GPC6: variants seen among roughly 807,000 people sequenced by gnomAD.
GPC6 encodes glypican 6.
Under a neutral mutation model 55.2 loss-of-function variants are expected in GPC6, and 14 were observed. That is an observed-to-expected ratio of 0.25 (90% confidence interval 0.17 to 0.40). The LOEUF is 0.40. Ranked by LOEUF, GPC6 falls within the 10% of genes least tolerant of loss-of-function variation. The pLI is 1.00. For synonymous variants in GPC6, 278 were observed against 259.6 expected (o/e 1.07, Z -0.68); for missense variants, 641 against 708.5 (o/e 0.90, Z 1.08).
At chr13:94,320,217 C>T (rs997730387) in intron 6 of GPC6, among the ~76,000 whole-genome samples, 1 of 152,150 alleles carries the variant, frequency 6.6e-6, no homozygotes, top group African/African-American at 2.4e-5. Flanking sequence ...TTTTCTAGTA[C>T]TTAATGAATT....
At chr13:93,978,654 G>A (rs1320803975) in intron 3 of GPC6, among the ~76,000 whole-genome samples, 1 of 151,814 alleles carries the variant, frequency 6.6e-6, no homozygotes, top group Non-Finnish European at 1.5e-5. Context: ...ACCATCTTAG[G>A]TCTCATCCTT....
At chr13:94,274,750 C>CT (rs34886785) in intron 4 of GPC6, among the ~76,000 whole-genome samples, 3,050 of 148,256 alleles carry the variant, frequency 0.021, 97 homozygotes, top group African/African-American at 0.069. Context: ...ATATCAACAT[C>CT]TTTTTTTTTT....
chr13:94,116,230 A>G (rs112171565), intron 4 of GPC6, among the ~76,000 whole-genome samples: 3,690 of 152,176 alleles, frequency 0.024, 137 homozygotes, highest in African/African-American at 0.083. Flanking sequence ...TTTAATCTAT[A>G]CAGCACCCCC....
intron 4 of GPC6, among the ~76,000 whole-genome samples, chr13:94,045,627 G>A (rs1387287682): frequency 6.6e-6 from 1 of 151,742 alleles, no homozygotes; most frequent in East Asian, 1.9e-4. Flanking sequence ...AAACAGGTAA[G>A]GAACTGGCTA....
chr13:93,920,797 C>T (rs1252842232), intron 3 of GPC6, among the ~76,000 whole-genome samples: 1 of 152,192 alleles, frequency 6.6e-6, no homozygotes, highest in East Asian at 1.9e-4. Context: ...CTACCTATAC[C>T]AATCTTCCTT....
intron 2 of GPC6, among the ~76,000 whole-genome samples, chr13:93,757,278 T>A (rs1318495814): frequency 1.3e-5 from 2 of 151,822 alleles, no homozygotes; most frequent in African/African-American, 4.8e-5. Context: ...GAATTCACAG[T>A]GGGAATGGGA....
At chr13:94,223,602 G>A (rs1240201768) in intron 4 of GPC6, among the ~76,000 whole-genome samples, 5 of 152,124 alleles carry the variant, frequency 3.3e-5, no homozygotes, top group Admixed American at 3.3e-4. Flanking sequence ...GGATAAAAAT[G>A]CAAACATCGT....
chr13:93,319,421 A>T (rs894761880), intron 1 of GPC6, among the ~76,000 whole-genome samples: 1 of 152,164 alleles, frequency 6.6e-6, no homozygotes, highest in Non-Finnish European at 1.5e-5. Flanking sequence ...GGCTTAAATA[A>T]GCAAGAGAGA....
intron 2 of GPC6, among the ~76,000 whole-genome samples, chr13:93,782,847 ATTTTC>A (rs1471844640): frequency 1.3e-5 from 2 of 151,858 alleles, no homozygotes; most frequent in African/African-American, 2.4e-5. Flanking sequence ...TTTATTTATT[ATTTTC>A]TTTAAGTTCT....
chr13:93,439,686 T>A (rs1350873558), intron 1 of GPC6, among the ~76,000 whole-genome samples: 1 of 128,276 alleles, frequency 7.8e-6, no homozygotes, highest in East Asian at 2.3e-4. Context: ...TAAAATAAAA[T>A]AAATAAAAAA....
intron 2 of GPC6, among the ~76,000 whole-genome samples, chr13:93,763,377 G>A (rs902999831): frequency 1.3e-5 from 2 of 152,182 alleles, no homozygotes; most frequent in African/African-American, 4.8e-5. Flanking sequence ...AAAGGGCAAG[G>A]TGGTGAGGTG....
At chr13:94,257,671 C>T (rs10492632) in intron 4 of GPC6, among the ~76,000 whole-genome samples, 5,085 of 152,290 alleles carry the variant, frequency 0.033, 120 homozygotes, top group East Asian at 0.07. Flanking sequence ...GGTGACTTGA[C>T]CAGTGCAGGG....
intron 2 of GPC6, among the ~76,000 whole-genome samples, chr13:93,588,652 A>G (rs1427575866): frequency 6.6e-6 from 1 of 152,116 alleles, no homozygotes; most frequent in East Asian, 1.9e-4. Context: ...TAATCTTATA[A>G]TCATGGTGGA....
At chr13:94,016,427 T>C (rs1882468088) in intron 3 of GPC6, among the ~76,000 whole-genome samples, 1 of 152,360 alleles carries the variant, frequency 6.6e-6, no homozygotes, top group Non-Finnish European at 1.5e-5. Flanking sequence ...TCTGAGAACC[T>C]GTTTTCAATT....
chr13:94,187,814 C>G (rs1460254968), intron 4 of GPC6: 1 of 152,024 alleles, frequency 6.6e-6, no homozygotes, highest in Non-Finnish European at 1.5e-5. Context: ...TGTGATATAC[C>G]TAGTAAGATA....
chr13:94,019,901 T>C (rs1882631877), intron 3 of GPC6, among the ~76,000 whole-genome samples: 1 of 152,162 alleles, frequency 6.6e-6, no homozygotes, highest in South Asian at 2.1e-4. Context: ...TACTTTTTCT[T>C]TTCTCTCTTT....
At chr13:93,273,379 C>T (rs1292992130) in intron 1 of GPC6, among the ~76,000 whole-genome samples, 1 of 152,178 alleles carries the variant, frequency 6.6e-6, no homozygotes, top group Non-Finnish European at 1.5e-5. Context: ...TGTACATAGG[C>T]TGGGCGCGGT....
At chr13:94,067,578 T>TATAGATAG (rs5805846) in intron 4 of GPC6, among the ~76,000 whole-genome samples, 2,597 of 147,662 alleles carry the variant, frequency 0.018, 34 homozygotes, top group Middle Eastern at 0.034. Flanking sequence ...ATAGATAGAT[T>TATAGATAG]ATAGATAGAT....
chr13:93,462,347 T>G (rs577984505), intron 1 of GPC6, among the ~76,000 whole-genome samples: 119 of 152,200 alleles, frequency 7.8e-4, no homozygotes, highest in African/African-American at 2.8e-3. Context: ...TCACACCAAA[T>G]TACCAGTAAA....
Sources: allele counts gnomAD v4.1 joint callset (sites outside exome capture counted in the v4.1 genomes callset), GRCh38; gene constraint gnomAD v4.1.1; transcripts MANE v1.5; gene names NCBI Gene and HGNC (gene_info 2026-07-23, HGNC 2026-07-21).